The following ELAPOR2 variants were observed in gnomAD, a reference collection of about 807,000 sequenced individuals.
ELAPOR2 encodes the protein endosome-lysosome associated apoptosis and autophagy regulator family member 2.
ELAPOR2 carries 89 observed loss-of-function variants against 120.7 expected under a neutral mutation model. That is an observed-to-expected ratio of 0.74 (90% CI 0.62 to 0.88). The LOEUF (loss-of-function observed/expected upper bound fraction) is 0.88. Ranked by LOEUF, ELAPOR2 falls within the 40% of genes least tolerant of loss-of-function variation. The pLI is 0.00. For synonymous variants in ELAPOR2, 444 were observed against 444.9 expected, an observed-to-expected ratio of 1.00 and a Z score of 0.03; for missense variants, 1,134 against 1,251.6, an observed-to-expected ratio of 0.91 and a Z score of 1.42.
intron 15 of ELAPOR2, among the ~76,000 whole-genome samples, chr7:86,910,291 A>C (rs542951290): frequency 6.6e-6 from 1 of 152,270 alleles, no homozygotes; most frequent in South Asian, 2.1e-4. Flanking sequence ...AAAGTCATCA[A>C]ACTTGAGAAA....
intron 1 of ELAPOR2, among the ~76,000 whole-genome samples, chr7:87,051,007 T>C (rs1795083858): frequency 6.6e-6 from 1 of 152,198 alleles, no homozygotes; most frequent in Non-Finnish European, 1.5e-5. Flanking sequence ...ACCTGTCAGA[T>C]TTAAGGTACT....
At chr7:87,046,105 G>T (rs1357650320) in intron 1 of ELAPOR2, among the ~76,000 whole-genome samples, 1 of 152,106 alleles carries the variant, frequency 6.6e-6, no homozygotes, top group African/African-American at 2.4e-5. Flanking sequence ...ATTCAACAAG[G>T]TTGCAGGATA....
chr7:87,053,499 ATGCAGACC>A (rs1411173487), intron 1 of ELAPOR2, among the ~76,000 whole-genome samples: 4 of 152,108 alleles, frequency 2.6e-5, no homozygotes, highest in African/African-American at 9.7e-5. Flanking sequence ...TTCCAGGTAA[ATGCAGACC>A]TGTGCCAGGA....
chr7:86,984,746 A>G (rs1438942799), intron 1 of ELAPOR2, among the ~76,000 whole-genome samples: 1 of 152,234 alleles, frequency 6.6e-6, no homozygotes, highest in African/African-American at 2.4e-5. Context: ...AAGACCTAAA[A>G]TCAACACCCT....
At chr7:86,956,409 C>T (rs1309878967) in intron 2 of ELAPOR2, among the ~76,000 whole-genome samples, 1 of 152,176 alleles carries the variant, frequency 6.6e-6, no homozygotes, top group Non-Finnish European at 1.5e-5. Context: ...AAAGTACTGC[C>T]TTTATATTTC....
chr7:86,902,451 C>T (rs1788769992), intron 18 of ELAPOR2, among the ~76,000 whole-genome samples: 1 of 152,222 alleles, frequency 6.6e-6, no homozygotes, highest in African/African-American at 2.4e-5. Flanking sequence ...GCTGGGATTA[C>T]AGGCGTAAGC....
In ELAPOR2 at chr7:86,918,406, T is replaced by C. The variant is rs1369001747; in HGVS notation, c.1593+36A>G. 4.7e-6 allele frequency: 6 copies of C among 1,282,332 alleles called. No homozygotes were observed. In the African/African-American group the frequency reaches 8.9e-5, roughly 19 times the overall value. The allele number at this position is 1,282,332 out of a possible 1,614,324, so 79.4% of individuals were successfully genotyped here. ...TACACTTGAAGGAGAATGCTAAGCT[T>C]AGAAATCTGCCTTTGAAAGCCGCCC... On this transcript the variant is annotated intron_variant, in intron 12 of 21. Coordinates refer to ENST00000450689, the MANE Select transcript of ELAPOR2 (RefSeq NM_001142749.3).
chr7:87,022,926 GTTT>G (rs1406604123), intron 1 of ELAPOR2, among the ~76,000 whole-genome samples: 1 of 151,912 alleles, frequency 6.6e-6, no homozygotes, highest in Non-Finnish European at 1.5e-5. Flanking sequence ...TGATGGGGTT[GTTT>G]TTTTCTTGTA....
intron 1 of ELAPOR2, among the ~76,000 whole-genome samples, chr7:87,017,565 T>C (rs1470654015): frequency 2.0e-5 from 3 of 152,186 alleles, no homozygotes; most frequent in Non-Finnish European, 4.4e-5. Context: ...ATTTCCTAAT[T>C]TCTTTTATAA....
intron 1 of ELAPOR2, among the ~76,000 whole-genome samples, chr7:87,035,609 T>A (rs563374171): frequency 7.2e-5 from 11 of 152,192 alleles, no homozygotes; most frequent in Non-Finnish European, 1.5e-4. Flanking sequence ...CCTTTGTCAA[T>A]ATCCCTCTTC....
chr7:87,033,521 T>G (rs1794482696), intron 1 of ELAPOR2, among the ~76,000 whole-genome samples: 1 of 152,170 alleles, frequency 6.6e-6, no homozygotes, highest in African/African-American at 2.4e-5. Flanking sequence ...ATACAAAGAT[T>G]GTGCTAGTGA....
chr7:87,027,193 G>C (rs143663463), intron 1 of ELAPOR2, among the ~76,000 whole-genome samples: 1 of 152,228 alleles, frequency 6.6e-6, no homozygotes, highest in African/African-American at 2.4e-5. Flanking sequence ...TCCCAAAGTA[G>C]ACATAGTTTC....
intron 10 of ELAPOR2, among the ~76,000 whole-genome samples, chr7:86,924,876 G>A (rs1456817548): frequency 6.6e-6 from 1 of 151,942 alleles, no homozygotes. Context: ...ATAAGTAAAG[G>A]ATGCATTTTA....
chr7:87,054,757 A>C (rs990931036), intron 1 of ELAPOR2, among the ~76,000 whole-genome samples: 1 of 152,028 alleles, frequency 6.6e-6, no homozygotes, highest in African/African-American at 2.4e-5. Context: ...CCCAGTTAAC[A>C]CTCAACCCAT....
At chr7:86,951,603 C>T (rs922179503) in intron 2 of ELAPOR2, among the ~76,000 whole-genome samples, 2 of 152,158 alleles carry the variant, frequency 1.3e-5, no homozygotes, top group African/African-American at 4.8e-5. Flanking sequence ...ATGCTTGATA[C>T]TTTACAAACA....
In ELAPOR2 at chr7:86,917,147, C is replaced by T. The variant is rs562113350; in HGVS notation, c.1593+1295G>A. Among the ~76,000 whole-genome samples the T allele has an allele frequency of 3.6e-4, 55 of 151,586 alleles. No homozygotes were observed. The South Asian group carries it at 5.0e-3, about 14-fold the overall frequency. ...GTTTAAGGATAATTTTAGTTGGGCGCGGTGACTCACACCTGTAATCCCAGC... is the reference window on the plus strand; with the variant it reads ...GTTTAAGGATAATTTTAGTTGGGCGTGGTGACTCACACCTGTAATCCCAGC... On this transcript the variant is annotated intron_variant, in intron 12 of 21. Coordinates refer to ENST00000450689, the MANE Select transcript of ELAPOR2 (RefSeq NM_001142749.3).
intron 2 of ELAPOR2, among the ~76,000 whole-genome samples, chr7:86,956,860 C>A (rs1011275444): frequency 1.3e-5 from 2 of 152,092 alleles, no homozygotes; most frequent in African/African-American, 4.8e-5. Context: ...GGGGGCAGAA[C>A]AATACATCCG....
chr7:86,969,107 C>T (rs115890285), intron 1 of ELAPOR2, among the ~76,000 whole-genome samples: 1 of 152,128 alleles, frequency 6.6e-6, no homozygotes, highest in Non-Finnish European at 1.5e-5. Context: ...CACGAACTTG[C>T]ACACACTGAC....
rs555696709 is a variant in ELAPOR2, at chr7:86,992,855, G to T, written c.190-27831C>A. 2.0e-5 allele frequency among the ~76,000 whole-genome samples: 3 copies of T among 152,232 alleles called. No individual in the cohort carries two copies. In the South Asian group the frequency reaches 6.2e-4, roughly 32 times the overall value. The stretch of plus-strand genomic sequence containing the variant: ...CAATTTTGGAATCCTTCATCGATTT[G>T]AAAATAGTTAAGGAATGTCATGATC... On this transcript the variant is annotated intron_variant, in intron 1 of 21. Coordinates refer to ENST00000450689, the MANE Select transcript of ELAPOR2 (RefSeq NM_001142749.3).
Sources: gnomAD v4.1 joint callset for allele counts (sites outside exome capture counted in the v4.1 genomes callset) on GRCh38, gnomAD v4.1.1 for gene constraint, MANE v1.5 for transcripts, NCBI Gene and HGNC (gene_info 2026-07-23, HGNC 2026-07-21) for gene names.